The following CNTNAP5 variants were observed in gnomAD, a reference collection of about 807,000 sequenced individuals.
CNTNAP5 encodes contactin associated protein family member 5.
In CNTNAP5, 72 loss-of-function variants were observed where a neutral mutation model predicts 150.2. The ratio of observed to expected loss-of-function variants is 0.48; its 90% confidence interval spans 0.40 to 0.58. The LOEUF is 0.58. Among genes scored for constraint, CNTNAP5 ranks in the 20% least tolerant of loss-of-function variants. CNTNAP5 has a pLI of 0.00. For synonymous variants in CNTNAP5, 672 were observed against 619.8 expected (o/e 1.08, Z -1.25); for missense variants, 1,636 against 1,626.2 (o/e 1.01, Z -0.10).
intron 1 of CNTNAP5, among the ~76,000 whole-genome samples, chr2:124,219,257 A>G (rs906097660): frequency 9.2e-5 from 14 of 152,114 alleles, no homozygotes; most frequent in Non-Finnish European, 2.1e-4. Flanking sequence ...ATAAGAAAAG[A>G]TTTAGGGGAG....
At chr2:124,615,952 T>G (rs1006620391) in intron 12 of CNTNAP5, among the ~76,000 whole-genome samples, 1 of 152,278 alleles carries the variant, frequency 6.6e-6, no homozygotes, top group Non-Finnish European at 1.5e-5. Context: ...AAATCCTTTT[T>G]TTGTTGTTTA....
chr2:124,579,469 A>T lies in CNTNAP5; in HGVS notation c.1756+16146A>T, dbSNP rs77406964. 7.9e-4 allele frequency among the ~76,000 whole-genome samples: 120 copies of T among 152,336 alleles called. 1 individual carries two copies. The East Asian group carries it at 0.022, about 28-fold the overall frequency. ...TATTATAGAGATTCAGTTGTAGGAGATTAACGTAGAGACTGCTTAGCTAAA... is the reference window on the plus strand; with the variant it reads ...TATTATAGAGATTCAGTTGTAGGAGTTTAACGTAGAGACTGCTTAGCTAAA... On this transcript the variant is annotated intron_variant, in intron 11 of 23. Coordinates refer to ENST00000682447, the MANE Select transcript of CNTNAP5 (RefSeq NM_001367498.1).
chr2:124,524,769 G>A (rs777471772), intron 9 of CNTNAP5, among the ~76,000 whole-genome samples: 30 of 152,326 alleles, frequency 2.0e-4, no homozygotes, highest in African/African-American at 7.2e-4. Flanking sequence ...CATGGGAAAG[G>A]AGAAACTCAG....
chr2:124,528,018 A>G (rs1228463065), intron 10 of CNTNAP5, among the ~76,000 whole-genome samples: 1 of 152,162 alleles, frequency 6.6e-6, no homozygotes, highest in Non-Finnish European at 1.5e-5. Context: ...CTCTTCTTAT[A>G]TTAGAAGTTT....
chr2:124,633,982 C>T lies in CNTNAP5; in HGVS notation c.1877-13776C>T, dbSNP rs576958155. On this transcript the variant is annotated intron_variant, in intron 12 of 23. Transcript: ENST00000682447. ...ACACAGGGCAGTGGGGCCCTGGTCC[C>T]GACCCATGAAACCATTCTGTCCTCC... is the stretch of plus-strand genomic sequence containing the variant. Among the ~76,000 whole-genome samples, 8 of 152,254 alleles carry T rather than the reference C, an allele frequency of 5.3e-5. No individual in the cohort carries two copies. In the East Asian group the frequency reaches 7.8e-4, roughly 15 times the overall value.
chr2:124,202,389 G>A (rs1685749381), intron 1 of CNTNAP5, among the ~76,000 whole-genome samples: 1 of 152,102 alleles, frequency 6.6e-6, no homozygotes. Context: ...GGAAAACTTT[G>A]GTTTTTAAAA....
intron 1 of CNTNAP5, among the ~76,000 whole-genome samples, chr2:124,054,193 C>A (rs1001622483): frequency 1.3e-5 from 2 of 152,042 alleles, no homozygotes; most frequent in African/African-American, 4.8e-5. Context: ...GTTCTTTGCC[C>A]TCTTCTGAGA....
chr2:124,594,745 G>A (rs1419223124), intron 11 of CNTNAP5, among the ~76,000 whole-genome samples: 1 of 132,386 alleles, frequency 7.6e-6, no homozygotes, highest in Non-Finnish European at 1.6e-5. Context: ...CCATTTTCAC[G>A]ATATTGATTC....
chr2:124,415,468 C>G (rs77419781), intron 3 of CNTNAP5, among the ~76,000 whole-genome samples: 3,026 of 152,258 alleles, frequency 0.02, 125 homozygotes, highest in East Asian at 0.1. Context: ...TCCACAGGTG[C>G]TATTAAAATA....
At chr2:124,119,722 A>G (rs919446044) in intron 1 of CNTNAP5, among the ~76,000 whole-genome samples, 1 of 152,184 alleles carries the variant, frequency 6.6e-6, no homozygotes, top group Non-Finnish European at 1.5e-5. Context: ...AGCCTGGGCA[A>G]CACAGCAAAA....
intron 10 of CNTNAP5, among the ~76,000 whole-genome samples, chr2:124,542,570 C>T (rs895372071): frequency 1.7e-4 from 26 of 152,010 alleles, no homozygotes; most frequent in Admixed American, 3.9e-4. Flanking sequence ...GCTCCCTTCC[C>T]AGTTTCTTTT....
intron 10 of CNTNAP5, 75 bp downstream of exon 10, chr2:124,527,531 G>A: frequency 8.1e-7 from 1 of 1,234,442 alleles, no homozygotes. Context: ...GTTTCTTTAA[G>A]CAAAATTCTA....
intron 10 of CNTNAP5, among the ~76,000 whole-genome samples, chr2:124,539,120 GTATAA>G (rs1695317666): frequency 6.6e-6 from 1 of 152,214 alleles, no homozygotes; most frequent in Non-Finnish European, 1.5e-5. Flanking sequence ...GAGAGAAGGA[GTATAA>G]TATGTTTTCA....
chr2:124,723,147 T>C lies in CNTNAP5; in HGVS notation c.2078-24082T>C, dbSNP rs141056808. 6.1e-3 allele frequency among the ~76,000 whole-genome samples: 935 copies of C among 152,318 alleles called. 11 individuals carry two copies. Among genetic ancestry groups the C allele is most frequent in the African/African-American group, 0.021 (866 of 41,574 alleles). ...TTGTTTCTTTTTGCTTGACAGTTGC[T>C]TTAATGTATCTCTTCCAATGACATT... On this transcript the variant is annotated intron_variant, in intron 13 of 23. Coordinates refer to ENST00000682447, the MANE Select transcript of CNTNAP5 (RefSeq NM_001367498.1).
chr2:124,068,507 G>A lies in CNTNAP5; in HGVS notation c.82+42775G>A, dbSNP rs930044814. ...ACTGAAATGCTCTATGGTCCTAGGT[G>A]AATCTGAAAGGCAAACTAGGACACA... On this transcript the variant is annotated intron_variant, in intron 1 of 23. Coordinates refer to ENST00000682447, the MANE Select transcript of CNTNAP5 (RefSeq NM_001367498.1). Among the ~76,000 whole-genome samples the A allele has an allele frequency of 2.6e-5, 4 of 152,202 alleles. No homozygotes were observed. The South Asian group carries it at 8.3e-4, about 32-fold the overall frequency.
intron 8 of CNTNAP5, among the ~76,000 whole-genome samples, chr2:124,523,205 A>T (rs1694888407): frequency 6.6e-6 from 1 of 152,206 alleles, no homozygotes; most frequent in Non-Finnish European, 1.5e-5. Context: ...TTCTGCATAC[A>T]CTGCTGGACT....
At chr2:124,171,558 C>T (rs942506948) in intron 1 of CNTNAP5, among the ~76,000 whole-genome samples, 4 of 152,148 alleles carry the variant, frequency 2.6e-5, no homozygotes, top group Admixed American at 6.5e-5. Flanking sequence ...AAGTCCTTGG[C>T]GGCCACATTT....
At chr2:124,188,555 T>C (rs529072730) in intron 1 of CNTNAP5, among the ~76,000 whole-genome samples, 1 of 151,432 alleles carries the variant, frequency 6.6e-6, no homozygotes, top group Non-Finnish European at 1.5e-5. Flanking sequence ...CCGTCTCTAC[T>C]AAAAATACAA....
intron 1 of CNTNAP5, among the ~76,000 whole-genome samples, chr2:124,145,673 T>C (rs1469141597): frequency 1.7e-5 from 2 of 120,758 alleles, no homozygotes; most frequent in African/African-American, 3.2e-5. Flanking sequence ...AGGGATAGCA[T>C]TGGGAGATAT....
Sources: gnomAD v4.1 joint callset for allele counts (sites outside exome capture counted in the v4.1 genomes callset) on GRCh38, gnomAD v4.1.1 for gene constraint, MANE v1.5 for transcripts, NCBI Gene and HGNC (gene_info 2026-07-23, HGNC 2026-07-21) for gene names.